Variants in DYNC2I1 observed in about 807,000 individuals in gnomAD.
DYNC2I1 encodes the protein dynein 2 intermediate chain 1.
A neutral mutation model predicts 133.4 loss-of-function variants in DYNC2I1; 89 were observed. That is an observed-to-expected ratio of 0.67 (90% CI 0.56 to 0.80). The LOEUF is 0.80. DYNC2I1 is among the 30% of genes least tolerant of loss of function. The pLI is 0.00. For synonymous variants in DYNC2I1, 504 were observed against 484.3 expected, an observed-to-expected ratio of 1.04 and a Z score of -0.54; for missense variants, 1,291 against 1,314.5, an observed-to-expected ratio of 0.98 and a Z score of 0.28.
intron 1 of DYNC2I1, among the ~76,000 whole-genome samples, chr7:158,861,457 G>A (rs965923420): frequency 2.0e-5 from 3 of 152,152 alleles, no homozygotes; most frequent in South Asian, 2.1e-4. Context: ...TTCCCGTCCC[G>A]CCTGCAGTTA....
At chr7:158,863,106 C>T (rs894133474) in intron 1 of DYNC2I1, among the ~76,000 whole-genome samples, 11 of 120,186 alleles carry the variant, frequency 9.2e-5, no homozygotes, top group African/African-American at 3.3e-4. Context: ...AGCAGGTTGC[C>T]ACTGCTGGCT....
intron 8 of DYNC2I1, among the ~76,000 whole-genome samples, chr7:158,894,941 A>G (rs1845625593): frequency 6.6e-6 from 1 of 151,842 alleles, no homozygotes; most frequent in African/African-American, 2.4e-5. Context: ...ATCTTTTTGT[A>G]TGTTTGTTTG....
Position 158,856,661 on chromosome 7 carries a change from C to T in DYNC2I1, c.-75C>T, listed in dbSNP as rs989234616. The stretch of plus-strand genomic sequence containing the variant: ...CGCGCCTCCCGAAGGGTGCGGGGCA[C>T]AGGTGGCCTCTTCGGGGTGGACCGC... On this transcript the variant is annotated 5_prime_UTR_variant, in exon 1 of 25. Coordinates refer to ENST00000407559, the MANE Select transcript of DYNC2I1 (RefSeq NM_018051.5). 2.4e-6 allele frequency: 3 copies of T among 1,224,650 alleles called. No individual in the cohort carries two copies. The highest frequency in any genetic ancestry group is 3.2e-5 in the East Asian group (1 of 31,540). The allele number at this position is 1,224,650 out of a possible 1,614,324, so 75.9% of individuals were successfully genotyped here. A position where few individuals can be genotyped will look rare whatever the true frequency, so the allele number is the denominator to read the frequency against.
chr7:158,948,126 C>G (rs1851947231), downstream of DYNC2I1, among the ~76,000 whole-genome samples: 1 of 152,224 alleles, frequency 6.6e-6, no homozygotes, highest in African/African-American at 2.4e-5. Flanking sequence ...GAAGGTGAGA[C>G]AGGCAACAGG....
intron 1 of DYNC2I1, among the ~76,000 whole-genome samples, chr7:158,869,188 C>T (rs558486334): frequency 5.4e-4 from 82 of 151,376 alleles, no homozygotes; most frequent in African/African-American, 1.9e-3. Context: ...CCTCTGGGCC[C>T]GTGGCTGTGG....
At position 158,945,168 on chromosome 7, in the gene DYNC2I1, A is replaced by T. The variant is rs1156628501; in HGVS notation, c.3003-413A>T. ...CAGGAGTGGAGGGGTCCGGGGCTCC[A>T]GGGTGAGTCCGGGCTGGAGACGCAG... On this transcript the variant is annotated intron_variant, in intron 24 of 24. Transcript: ENST00000407559. The surrounding 1 kb of genome is among the most constrained non-coding windows in gnomAD (Gnocchi z 4.1). 6.6e-6 allele frequency among the ~76,000 whole-genome samples: 1 copy of T among 152,090 alleles called. No homozygotes were observed. The highest frequency in any genetic ancestry group is 1.5e-5 in the Non-Finnish European group (1 of 68,008).
intron 4 of DYNC2I1, among the ~76,000 whole-genome samples, chr7:158,952,264 G>A (rs1563221231): frequency 6.6e-6 from 1 of 152,204 alleles, no homozygotes; most frequent in Non-Finnish European, 1.5e-5. Flanking sequence ...TCTGTCCAGA[G>A]CAGTTTCTGA....
chr7:158,887,780 A>G (rs558652843), intron 7 of DYNC2I1, among the ~76,000 whole-genome samples: 1 of 152,208 alleles, frequency 6.6e-6, no homozygotes, highest in South Asian at 2.1e-4. Context: ...CTAACACACA[A>G]TCATCATCCC....
chr7:158,917,335 C>G (rs1365863755), intron 14 of DYNC2I1, among the ~76,000 whole-genome samples: 6 of 151,094 alleles, frequency 4.0e-5, no homozygotes, highest in South Asian at 2.1e-4. Context: ...CCCCTGCCCT[C>G]CACACTCCAC....
intron 1 of DYNC2I1, among the ~76,000 whole-genome samples, chr7:158,864,147 C>G (rs1424586124): frequency 6.6e-6 from 1 of 151,710 alleles, no homozygotes; most frequent in Non-Finnish European, 1.5e-5. Flanking sequence ...GTTCTTAGCT[C>G]TGGGTGTGGC....
At chr7:158,898,416 C>T (rs1326683108) in intron 8 of DYNC2I1, among the ~76,000 whole-genome samples, 1 of 152,214 alleles carries the variant, frequency 6.6e-6, no homozygotes, top group Non-Finnish European at 1.5e-5. Context: ...ATTTGACCCT[C>T]ACACATATTA....
At chr7:158,925,697 C>T (rs1013653779) in intron 17 of DYNC2I1, among the ~76,000 whole-genome samples, 1 of 152,116 alleles carries the variant, frequency 6.6e-6, no homozygotes, top group South Asian at 2.1e-4. Flanking sequence ...TTTGGTTTTG[C>T]AAATGCCTGG....
chr7:158,940,942 A>C (rs1396629451), intron 23 of DYNC2I1, among the ~76,000 whole-genome samples: 7 of 152,210 alleles, frequency 4.6e-5, no homozygotes, highest in Admixed American at 2.0e-4. Flanking sequence ...GCAAGAACAA[A>C]CCAAACTCAA....
chr7:158,923,357 A>G (rs1386064827), intron 16 of DYNC2I1, among the ~76,000 whole-genome samples: 4 of 152,152 alleles, frequency 2.6e-5, no homozygotes, highest in Non-Finnish European at 5.9e-5. Flanking sequence ...TAACAAGCCT[A>G]CGGGGTGGGT....
At chr7:158,876,845 C>G (rs982866939) in intron 4 of DYNC2I1, among the ~76,000 whole-genome samples, 154 bp downstream of exon 4, 1 of 152,132 alleles carries the variant, frequency 6.6e-6, no homozygotes, top group Non-Finnish European at 1.5e-5. Flanking sequence ...CAGTTTCTTT[C>G]TCCTCATAGT....
At chr7:158,915,441 T>A (rs1848022652) in intron 14 of DYNC2I1, among the ~76,000 whole-genome samples, 1 of 150,262 alleles carries the variant, frequency 6.7e-6, no homozygotes, top group African/African-American at 2.4e-5. Context: ...TGGTTGAGAT[T>A]AAGGATGATT....
Position 158,888,918 on chromosome 7 carries a change from G to A in DYNC2I1, c.990+1843G>A, listed in dbSNP as rs138004011. On this transcript the variant is annotated intron_variant, in intron 7 of 24. Coordinates refer to ENST00000407559, the MANE Select transcript of DYNC2I1 (RefSeq NM_018051.5). The stretch of plus-strand genomic sequence containing the variant: ...TGGTGGTTGGATTGCTTATTATCTG[G>A]CTATAGCCACACATTTACCACAGAA... 3.9e-4 allele frequency among the ~76,000 whole-genome samples: 59 copies of A among 151,788 alleles called. 3 individuals are homozygous for A. The East Asian group carries it at 0.011, about 29-fold the overall frequency.
chr7:158,845,553 AT>A, the DYNC2I1 span, among the ~76,000 whole-genome samples: 1 of 152,232 alleles, frequency 6.6e-6, no homozygotes, highest in Non-Finnish European at 1.5e-5. Flanking sequence ...TGCTTGCGTA[AT>A]TTTTGATAAA....
At chr7:158,915,770 G>C (rs1848135419) in intron 14 of DYNC2I1, among the ~76,000 whole-genome samples, 1 of 138,266 alleles carries the variant, frequency 7.2e-6, no homozygotes, top group East Asian at 2.0e-4. Context: ...TCTACACGCT[G>C]GTTGAGATTA....
Sources: gnomAD v4.1 joint callset for allele counts (sites outside exome capture counted in the v4.1 genomes callset) on GRCh38, gnomAD v4.1.1 for gene constraint, Gnocchi (gnomAD v3.1) non-coding constraint, MANE v1.5 for transcripts, NCBI Gene and HGNC (gene_info 2026-07-23, HGNC 2026-07-21) for gene names.